Variants in CLHC1 observed in about 807,000 individuals in gnomAD.
CLHC1 encodes the protein clathrin heavy chain linker domain-containing protein 1.
Under a neutral mutation model 69.5 loss-of-function variants are expected in CLHC1, and 72 were observed. The ratio of observed to expected loss-of-function variants is 1.04; its 90% CI spans 0.86 to 1.26. The LOEUF (loss-of-function observed/expected upper bound fraction) is 1.26. Among genes scored for constraint, CLHC1 ranks in the 50% most tolerant of loss-of-function variants. The pLI, the probability that CLHC1 is intolerant of heterozygous loss-of-function variation, is 0.00. For synonymous variants in CLHC1, 223 were observed against 224.3 expected, an observed-to-expected ratio of 0.99 and a Z score of 0.05; for missense variants, 790 against 679.3, an observed-to-expected ratio of 1.16 and a Z score of -1.81.
At chr2:55,180,003 A>C (rs1669763326) in intron 11 of CLHC1, among the ~76,000 whole-genome samples, 1 of 152,030 alleles carries the variant, frequency 6.6e-6, no homozygotes, top group Admixed American at 6.6e-5. Context: ...AAATACAAAA[A>C]GTTAGCCGGG....
chr2:55,224,692 A>G (rs1674521665), intron 2 of CLHC1: 2 of 249,776 alleles, frequency 8.0e-6, no homozygotes, highest in South Asian at 4.9e-5. Flanking sequence ...TGAGAAAGGA[A>G]GACTGGAAAG....
intron 9 of CLHC1, among the ~76,000 whole-genome samples, chr2:55,196,344 G>T (rs1024891212): frequency 6.6e-6 from 1 of 152,160 alleles, no homozygotes; most frequent in Non-Finnish European, 1.5e-5. Context: ...TACCTAGTAA[G>T]AAATCAGATG....
intron 3 of CLHC1, among the ~76,000 whole-genome samples, chr2:55,221,411 G>A (rs1674101722): frequency 6.6e-6 from 1 of 152,186 alleles, no homozygotes; most frequent in African/African-American, 2.4e-5. Flanking sequence ...TTTCTAAGCT[G>A]ATCTCCCTAT....
intron 2 of CLHC1, among the ~76,000 whole-genome samples, chr2:55,223,669 G>C (rs1343716441): frequency 2.6e-5 from 4 of 152,092 alleles, no homozygotes; most frequent in Admixed American, 2.0e-4. Flanking sequence ...GACCACTGGC[G>C]CCCCCGGACC....
chr2:55,179,921 G>C (rs766576383), intron 11 of CLHC1, among the ~76,000 whole-genome samples: 3 of 152,222 alleles, frequency 2.0e-5, no homozygotes, highest in Non-Finnish European at 4.4e-5. Context: ...TTGAGAGGCT[G>C]AGGCGGGCAG....
intron 8 of CLHC1, among the ~76,000 whole-genome samples, 165 bp from the exon 9 acceptor site, chr2:55,206,541 C>T (rs1323608267): frequency 1.3e-5 from 2 of 152,092 alleles, no homozygotes; most frequent in African/African-American, 4.8e-5. Context: ...GTAAGATGTT[C>T]CTTGAAATCC....
chr2:55,180,109 G>A (rs183423868), intron 11 of CLHC1, among the ~76,000 whole-genome samples: 13 of 151,800 alleles, frequency 8.6e-5, no homozygotes, highest in South Asian at 4.2e-4. Context: ...AGCCAAGATC[G>A]CAGCACTGCA....
intron 9 of CLHC1, among the ~76,000 whole-genome samples, chr2:55,195,027 C>T (rs1558470377): frequency 6.6e-6 from 1 of 152,084 alleles, no homozygotes; most frequent in Non-Finnish European, 1.5e-5. Context: ...AGCAATCCTC[C>T]TGCCTCAGCC....
rs929939304 is a variant in CLHC1 at position 55,209,756 on chromosome 2, T to A, written c.575A>T (p.Glu192Val). 12 of 1,612,282 alleles carry A rather than the reference T, an allele frequency of 7.4e-6. No individual in the cohort carries two copies. The highest frequency in any genetic ancestry group is 1.6e-4 in the Middle Eastern group (1 of 6,062). The change falls in exon 6 of 13, where the codon GAA (glutamate) becomes GTA (valine). Residue 192 changes from glutamate to valine, a missense_variant. By Grantham distance (121) the Glu-to-Val change is moderately radical. Transcript: ENST00000401408. The part of the protein sequence containing the change: ...YMKHLEDKYA[E>V]IKQAMLIKYV... ...TTTTATCAACATAGCTTGTTTAATT[T>A]CTGCATATTTATCTTCAAGATGTTT... is the stretch of plus-strand genomic sequence containing the variant.
chr2:55,199,245 T>C (rs188776076), intron 9 of CLHC1, among the ~76,000 whole-genome samples: 7 of 130,826 alleles, frequency 5.4e-5, no homozygotes, highest in African/African-American at 8.9e-5. Context: ...TGCAGTGAGC[T>C]GAGATCATGC....
In CLHC1 at chr2:55,181,491, T is replaced by C. The variant is rs1669927114; in HGVS notation, c.1181+79A>G. ...AGTAAATGTTCAAGTAACATATTGATAAAGCTATTAATATTTTTAGAACAA... is the reference window on the plus strand; with the variant it reads ...AGTAAATGTTCAAGTAACATATTGACAAAGCTATTAATATTTTTAGAACAA... On this transcript the variant is annotated intron_variant, in intron 10 of 12. Transcript: ENST00000401408. 4 of 1,095,734 alleles carry C rather than the reference T, an allele frequency of 3.7e-6. No individual in the cohort carries two copies. The South Asian group carries it at 6.0e-5, about 17-fold the overall frequency. The allele number at this position is 1,095,734 out of a possible 1,614,324, so 67.9% of individuals were successfully genotyped here. A position where few individuals can be genotyped will look rare whatever the true frequency, so the allele number is the denominator to read the frequency against.
intron 9 of CLHC1, among the ~76,000 whole-genome samples, chr2:55,206,024 A>C (rs897114104): frequency 7.9e-5 from 12 of 152,214 alleles, no homozygotes; most frequent in African/African-American, 2.9e-4. Flanking sequence ...ACATTTATTA[A>C]ATCTTGATAG....
In CLHC1 at chr2:55,180,594, T is replaced by C; in HGVS notation, c.1300A>G (p.Lys434Glu). The change falls in exon 11 of 13, where the codon AAG becomes GAG. Residue 434 changes from lysine (K) to glutamate (E), a missense_variant. Physicochemically the swap from Lys to Glu is moderately conservative, Grantham distance 56. Coordinates refer to ENST00000401408, the MANE Select transcript of CLHC1 (RefSeq NM_152385.4). ...QIVYSECGLH[K>E]KAILCLCKQG... ...TTACACAAGCAAAGAATAGCTTTCT[T>C]GTGCAGGCCACATTCACTGTAGACA... 1 of 1,614,126 alleles carries C rather than the reference T, an allele frequency of 6.2e-7. No homozygotes were observed. Among genetic ancestry groups the C allele is most frequent in the Non-Finnish European group, 8.5e-7 (1 of 1,179,988 alleles).
At chr2:55,190,813 A>G (rs971304112) in intron 9 of CLHC1, among the ~76,000 whole-genome samples, 1 of 152,136 alleles carries the variant, frequency 6.6e-6, no homozygotes, top group African/African-American at 2.4e-5. Context: ...AACATATTTG[A>G]AAAATAATGG....
chr2:55,178,204 C>T (rs1023959649), intron 11 of CLHC1, among the ~76,000 whole-genome samples: 13 of 152,176 alleles, frequency 8.5e-5, no homozygotes, highest in Non-Finnish European at 1.6e-4. Flanking sequence ...TCTTGTTGCT[C>T]ATATTTGGAC....
intron 9 of CLHC1, among the ~76,000 whole-genome samples, chr2:55,200,707 A>G (rs1260545062): frequency 6.6e-6 from 1 of 152,202 alleles, no homozygotes; most frequent in Non-Finnish European, 1.5e-5. Context: ...AGAACGTATC[A>G]CCCAACAGCT....
chr2:55,184,681 T>C (rs1454325906), intron 9 of CLHC1, among the ~76,000 whole-genome samples: 4 of 151,784 alleles, frequency 2.6e-5, no homozygotes, highest in Non-Finnish European at 2.9e-5. Flanking sequence ...CTAATGCAGG[T>C]GGATCACAGG....
At chr2:55,211,785 T>C (rs1673036637) in intron 5 of CLHC1, among the ~76,000 whole-genome samples, 1 of 152,188 alleles carries the variant, frequency 6.6e-6, no homozygotes, top group Non-Finnish European at 1.5e-5. Context: ...TATCCACTCA[T>C]CGTAAAAACC....
chr2:55,191,733 A>G (rs1670948912), intron 9 of CLHC1, among the ~76,000 whole-genome samples: 2 of 152,252 alleles, frequency 1.3e-5, no homozygotes, highest in South Asian at 4.1e-4. Flanking sequence ...TATAGCTCCT[A>G]AGTCAACAAA....
Sources: gnomAD v4.1 joint callset for allele counts (sites outside exome capture counted in the v4.1 genomes callset) on GRCh38, gnomAD v4.1.1 for gene constraint, MANE v1.5 for transcripts, NCBI Gene and HGNC (gene_info 2026-07-23, HGNC 2026-07-21) for gene names.